Variants in ADGRV1 observed in about 807,000 individuals in gnomAD.
The protein encoded by ADGRV1 is G-protein coupled receptor 98.
In ADGRV1, 359 loss-of-function variants were observed where a neutral mutation model predicts 596.2. The observed-to-expected ratio is 0.60, with a 90% CI of 0.55 to 0.66. The LOEUF (loss-of-function observed/expected upper bound fraction) is 0.66, where lower values mean the gene tolerates loss of function less well. Among genes scored for constraint, ADGRV1 ranks in the 30% least tolerant of loss-of-function variants. ADGRV1 has a pLI of 0.00. For synonymous variants in ADGRV1, 2,681 were observed against 2,679.2 expected, an observed-to-expected ratio of 1.00 and a Z score of -0.02; for missense variants, 7,274 against 7,575.6, an observed-to-expected ratio of 0.96 and a Z score of 1.48.
chr5:90,678,271 A>C (rs1169601324), intron 25 of ADGRV1, among the ~76,000 whole-genome samples: 2 of 151,950 alleles, frequency 1.3e-5, no homozygotes, highest in Admixed American at 1.3e-4. Flanking sequence ...ATACGTATGG[A>C]TGTGGCTTTG....
rs534402383 is a variant in ADGRV1, at chr5:90,822,468, G to C, written c.16197-957G>C. On this transcript the variant is annotated intron_variant, in intron 75 of 89. Transcript: ENST00000405460. The stretch of plus-strand genomic sequence containing the variant: ...ATGTGGCGTTATTTCTGAGGGCTCT[G>C]TTCTGTTCCATTGATCTGTATCTCT... 1.1e-4 allele frequency among the ~76,000 whole-genome samples: 17 copies of C among 152,252 alleles called. 1 individual carries two copies. Among genetic ancestry groups the C allele is most frequent in the African/African-American group, 4.1e-4 (17 of 41,554 alleles).
chr5:91,116,519 T>C (rs932680496), intron 87 of ADGRV1, among the ~76,000 whole-genome samples: 4 of 152,204 alleles, frequency 2.6e-5, no homozygotes, highest in African/African-American at 4.8e-5. Flanking sequence ...TTACTTCACA[T>C]AGTGTATCAT....
chr5:90,670,761 AT>A, intron 21 of ADGRV1, among the ~76,000 whole-genome samples: 1 of 152,326 alleles, frequency 6.6e-6, no homozygotes, highest in South Asian at 2.1e-4. Context: ...GTACTTCTCA[AT>A]AAACCATTTA....
At chr5:91,105,968 T>C (rs1791832435) in intron 87 of ADGRV1, among the ~76,000 whole-genome samples, 1 of 151,054 alleles carries the variant, frequency 6.6e-6, no homozygotes. Context: ...TTTAATAGCC[T>C]GTAAAATCTT....
intron 77 of ADGRV1, among the ~76,000 whole-genome samples, chr5:90,838,401 G>A (rs1247285319): frequency 5.9e-5 from 9 of 151,950 alleles, no homozygotes; most frequent in East Asian, 1.9e-4. Flanking sequence ...GCCAGTAAAT[G>A]TTGGGATCCA....
chr5:90,930,550 G>T (rs1581554153), intron 83 of ADGRV1, among the ~76,000 whole-genome samples: 1 of 152,082 alleles, frequency 6.6e-6, no homozygotes, highest in South Asian at 2.1e-4. Flanking sequence ...TTGTGTCTGA[G>T]TATTTATGTG....
At position 90,791,274 on chromosome 5, in the gene ADGRV1, A is replaced by G. The variant is rs775961046; in HGVS notation, c.14445A>G (p.Glu4815=). 6.2e-7 allele frequency: 1 copy of G among 1,607,416 alleles called. No individual in the cohort carries two copies. The highest frequency in any genetic ancestry group is 1.1e-5 in the South Asian group (1 of 89,916). The stretch of plus-strand genomic sequence containing the variant: ...ATAAAGAACAGCCGATTGTTACCGA[A>G]AATGCAGAGAGGCAGCTGGTGGTCA... ...SDHKEQPIVT[E]NAERQLVVKD... Residue 4815 remains glutamate, a synonymous_variant, in exon 70 of 90, where the codon GAA becomes GAG. Coordinates refer to ENST00000405460, the MANE Select transcript of ADGRV1 (RefSeq NM_032119.4).
At chr5:90,618,489 G>T (rs1006035752) in intron 3 of ADGRV1, among the ~76,000 whole-genome samples, 18 of 151,766 alleles carry the variant, frequency 1.2e-4, no homozygotes, top group African/African-American at 4.1e-4. Flanking sequence ...ATTTTTTTTT[G>T]AATAATTGTG....
intron 84 of ADGRV1, 69 bp downstream of exon 84, chr5:90,965,600 T>A (rs1430639332): frequency 1.3e-6 from 1 of 797,540 alleles, no homozygotes; most frequent in Non-Finnish European, 2.1e-6. Flanking sequence ...GGTCTTAATG[T>A]CTGATACTCT....
chr5:90,593,518 G>A (rs921382441), intron 1 of ADGRV1, among the ~76,000 whole-genome samples: 14 of 152,256 alleles, frequency 9.2e-5, no homozygotes, highest in African/African-American at 2.9e-4. Context: ...GTTGATGGGT[G>A]CAGCAGACCA....
chr5:90,668,745 T>C (rs1027144443), intron 21 of ADGRV1, among the ~76,000 whole-genome samples: 2 of 152,194 alleles, frequency 1.3e-5, no homozygotes, highest in Non-Finnish European at 1.5e-5. Flanking sequence ...AGTGTTGATA[T>C]ATAGCGTGTA....
rs866140498 is a variant in ADGRV1 at position 90,663,436 on chromosome 5, T to C, written c.4752+5158T>C. 1.3e-4 allele frequency among the ~76,000 whole-genome samples: 20 copies of C among 150,922 alleles called. No homozygotes were observed. In the South Asian group the frequency reaches 2.6e-3, roughly 19 times the overall value. On this transcript the variant is annotated intron_variant, in intron 21 of 89. Coordinates refer to ENST00000405460, the MANE Select transcript of ADGRV1 (RefSeq NM_032119.4). ...TTTTGAGAAGTGTCTGTTCATGTCC[T>C]TCGCCCACTTTTTGATGGGGTTGTT...
In ADGRV1 at chr5:90,840,846, C is replaced by A; in HGVS notation, c.16880C>A (p.Ala5627Asp). ...ITLVSDADSQAIWGLADQLHQ... is the reference protein window; with the variant it reads ...ITLVSDADSQDIWGLADQLHQ... The stretch of plus-strand genomic sequence containing the variant: ...CTTGTCTCAGATGCAGATTCGCAGG[C>A]CATTTGGGGGCTTGCAGATCAGCTA... The change falls in exon 78 of 90, where the codon GCC becomes GAC. Residue 5627 changes from alanine to aspartate, a missense_variant. Ala to Asp is a moderately radical substitution (Grantham distance 126). Transcript: ENST00000405460. The A allele has an allele frequency of 6.2e-7, 1 of 1,613,004 alleles. No individual in the cohort carries two copies. The highest frequency in any genetic ancestry group is 8.5e-7 in the Non-Finnish European group (1 of 1,179,190).
intron 50 of ADGRV1, among the ~76,000 whole-genome samples, chr5:90,733,206 T>G (rs1752774558): frequency 6.6e-6 from 1 of 152,152 alleles, no homozygotes; most frequent in Non-Finnish European, 1.5e-5. Flanking sequence ...TGTTCAAATG[T>G]GGGGAGCAAA....
At chr5:91,121,735 C>T (rs77378339) in intron 87 of ADGRV1, among the ~76,000 whole-genome samples, 3,127 of 151,770 alleles carry the variant, frequency 0.021, 108 homozygotes, top group African/African-American at 0.072. Context: ...TGACATCAGC[C>T]AAATATGAGA....
intron 1 of ADGRV1, among the ~76,000 whole-genome samples, chr5:90,594,772 C>T (rs982110354): frequency 6.6e-6 from 1 of 150,668 alleles, no homozygotes; most frequent in African/African-American, 2.5e-5. Context: ...GTGGACACAG[C>T]ACATGTTTCA....
chr5:90,815,187 G>T (rs556322146), intron 74 of ADGRV1, among the ~76,000 whole-genome samples: 1 of 152,236 alleles, frequency 6.6e-6, no homozygotes, highest in South Asian at 2.1e-4. Flanking sequence ...TATTTGACAA[G>T]TATTTATTCA....
chr5:90,678,028 T>G (rs1426739099), intron 25 of ADGRV1, among the ~76,000 whole-genome samples: 1 of 152,192 alleles, frequency 6.6e-6, no homozygotes, highest in East Asian at 1.9e-4. Context: ...ATATATGGTG[T>G]TGAACTTCTT....
Position 90,724,954 on chromosome 5 carries a change from G to C in ADGRV1, c.9871G>C (p.Val3291Leu). The change falls in exon 46 of 90, where the codon GTT becomes CTT. Residue 3291 changes from valine (V) to leucine (L), a missense_variant. Physicochemically the swap from Val to Leu is conservative, Grantham distance 32. This residue lies in a region of ADGRV1 where 3,643 missense variants were observed against 3,809.2 expected (regional missense o/e 0.96). Coordinates refer to ENST00000405460, the MANE Select transcript of ADGRV1 (RefSeq NM_032119.4). Reference protein sequence around the residue: ...GIMLRKSSVTVYRWQGIFIPV... With the variant: ...GIMLRKSSVTLYRWQGIFIPV... ...AATGTTAAGAAAATCATCTGTTACT[G>C]TTTACCGATGGCAGGGGATTTTTAT... is the stretch of plus-strand genomic sequence containing the variant. The C allele has an allele frequency of 6.2e-7, 1 of 1,605,840 alleles. No homozygotes were observed. The highest frequency in any genetic ancestry group is 8.5e-7 in the Non-Finnish European group (1 of 1,176,620).
Sources: gnomAD v4.1 joint callset for allele counts (sites outside exome capture counted in the v4.1 genomes callset) on GRCh38, gnomAD v4.1.1 for gene constraint, gnomAD v4.1.1 regional missense constraint, MANE v1.5 for transcripts, NCBI Gene and HGNC (gene_info 2026-07-23, HGNC 2026-07-21) for gene names.